The following WBP1L variants were observed in gnomAD, a reference collection of about 807,000 sequenced individuals.
WBP1L encodes WW domain binding protein 1 like, also known as WW domain binding protein 1-like.
Under a neutral mutation model 33.7 loss-of-function variants are expected in WBP1L, and 17 were observed. The ratio of observed to expected loss-of-function variants is 0.50; its 90% confidence interval spans 0.34 to 0.76. The LOEUF (loss-of-function observed/expected upper bound fraction) is 0.76. WBP1L is among the 30% of genes least tolerant of loss of function. WBP1L has a pLI of 0.01. For synonymous variants in WBP1L, 173 were observed against 190.8 expected (o/e 0.91, Z 0.77); for missense variants, 389 against 469.4 (o/e 0.83, Z 1.58).
intron 1 of WBP1L, among the ~76,000 whole-genome samples, chr10:102,764,918 T>G (rs1843089124): frequency 6.6e-6 from 1 of 152,216 alleles, no homozygotes; most frequent in Non-Finnish European, 1.5e-5. Flanking sequence ...TCTCATGACC[T>G]AGAGACAAAA....
intron 1 of WBP1L, chr10:102,776,158 T>C: frequency 2.1e-6 from 3 of 1,415,540 alleles, no homozygotes; most frequent in Non-Finnish European, 2.8e-6. Context: ...GTCTGAGATA[T>C]GTCACGAGAA....
intron 1 of WBP1L, among the ~76,000 whole-genome samples, chr10:102,773,864 C>CAA (rs11362638): frequency 7.0e-6 from 1 of 142,200 alleles, no homozygotes; most frequent in Non-Finnish European, 1.6e-5. Context: ...AAAAACAAAA[C>CAA]AAAAAAAAAA....
At chr10:102,809,564 G>A (rs1009162468) in intron 2 of WBP1L, among the ~76,000 whole-genome samples, 5 of 151,868 alleles carry the variant, frequency 3.3e-5, no homozygotes, top group African/African-American at 1.2e-4. Flanking sequence ...TAGAGATGGG[G>A]GTTTCACCAT....
chr10:102,753,355 C>T (rs890602372), intron 1 of WBP1L, among the ~76,000 whole-genome samples: 3 of 152,228 alleles, frequency 2.0e-5, no homozygotes, highest in Non-Finnish European at 2.9e-5. Flanking sequence ...GGAGCAAAGT[C>T]TGGCCTGAAA....
intron 1 of WBP1L, among the ~76,000 whole-genome samples, chr10:102,796,812 G>T (rs1198139953): frequency 6.6e-6 from 1 of 152,220 alleles, no homozygotes; most frequent in South Asian, 2.1e-4. Context: ...TATAGCAGAT[G>T]CCTTACAGGT....
At chr10:102,808,926 A>T (rs1382309205) in intron 2 of WBP1L, among the ~76,000 whole-genome samples, 1 of 152,166 alleles carries the variant, frequency 6.6e-6, no homozygotes, top group Non-Finnish European at 1.5e-5. Context: ...GGAGGAGGAG[A>T]CCATCCCAGA....
chr10:102,811,414 C>G (rs115307292), intron 3 of WBP1L, among the ~76,000 whole-genome samples: 1,868 of 152,296 alleles, frequency 0.012, 35 homozygotes, highest in African/African-American at 0.042. Flanking sequence ...CATGTGACCT[C>G]TCATATGGTC....
At chr10:102,773,468 A>G (rs1174374924) in intron 1 of WBP1L, among the ~76,000 whole-genome samples, 1 of 152,238 alleles carries the variant, frequency 6.6e-6, no homozygotes, top group Admixed American at 6.5e-5. Flanking sequence ...AGGATGATTC[A>G]TTAGGAAATC....
At chr10:102,772,988 GA>G (rs1843212515) in intron 1 of WBP1L, among the ~76,000 whole-genome samples, 1 of 151,350 alleles carries the variant, frequency 6.6e-6, no homozygotes, top group Admixed American at 6.6e-5. Flanking sequence ...TTGGCAGGCG[GA>G]TGACTAAAGT....
intron 2 of WBP1L, among the ~76,000 whole-genome samples, chr10:102,801,332 T>C (rs1229504670): frequency 4.6e-5 from 7 of 152,166 alleles, no homozygotes. Context: ...ATTCCAGTGC[T>C]CTTGAACTTT....
In WBP1L at chr10:102,750,686, A is replaced by G. The variant is rs145506479; in HGVS notation, c.90+6543A>G. Among the ~76,000 whole-genome samples, 1,329 of 151,928 alleles carry G rather than the reference A, an allele frequency of 8.7e-3. 9 individuals are homozygous for G. The highest frequency in any genetic ancestry group is 0.013 in the Non-Finnish European group (855 of 67,948). On this transcript the variant is annotated intron_variant, in intron 1 of 3. Transcript: ENST00000448841. ...CTGGCTAATTTTTTGTATTTTTAGTACAGATGGGGTTTCACTGTGTTAGCC... is the reference window on the plus strand; with the variant it reads ...CTGGCTAATTTTTTGTATTTTTAGTGCAGATGGGGTTTCACTGTGTTAGCC...
chr10:102,804,811 C>T (rs1261816712), intron 2 of WBP1L, among the ~76,000 whole-genome samples: 3 of 152,138 alleles, frequency 2.0e-5, no homozygotes, highest in African/African-American at 7.2e-5. Context: ...CACATCCAAT[C>T]TCAATTCATT....
chr10:102,790,656 G>T (rs1000733153), intron 1 of WBP1L, among the ~76,000 whole-genome samples: 1 of 151,832 alleles, frequency 6.6e-6, no homozygotes, highest in African/African-American at 2.4e-5. Flanking sequence ...GATTACAGGC[G>T]CCCGCCACCA....
intron 1 of WBP1L, among the ~76,000 whole-genome samples, chr10:102,754,644 C>T (rs1590166238): frequency 6.6e-6 from 1 of 152,004 alleles, no homozygotes; most frequent in African/African-American, 2.4e-5. Context: ...CCACCTGCCT[C>T]GACCTCCCAA....
intron 1 of WBP1L, among the ~76,000 whole-genome samples, chr10:102,754,901 ATTTATTTT>A (rs1842957791): frequency 7.9e-6 from 1 of 127,076 alleles, no homozygotes; most frequent in African/African-American, 2.9e-5. Context: ...TTATTTATTT[ATTTATTTT>A]TTGAGATGGA....
chr10:102,776,420 A>G, intron 1 of WBP1L: 2 of 1,614,096 alleles, frequency 1.2e-6, no homozygotes, highest in South Asian at 1.1e-5. Flanking sequence ...TTAGACAGGT[A>G]ATTGTTTCTG....
chr10:102,773,525 A>AG (rs1196489742), intron 1 of WBP1L, among the ~76,000 whole-genome samples: 2 of 114,786 alleles, frequency 1.7e-5, no homozygotes, highest in East Asian at 9.6e-4. Context: ...TATTTTTACA[A>AG]GTTTTTTTTT....
At position 102,744,420 on chromosome 10, in the gene WBP1L, A is replaced by G. The variant is rs1842838974; in HGVS notation, c.90+277A>G. The G allele has an allele frequency of 7.1e-6, 7 of 985,274 alleles. No homozygotes were observed. In the South Asian group the frequency reaches 3.3e-4, roughly 46 times the overall value. The allele number at this position is 985,274 out of a possible 1,614,324, so 61.0% of individuals were successfully genotyped here. On this transcript the variant is annotated intron_variant, in intron 1 of 3. Coordinates refer to ENST00000448841, the MANE Select transcript of WBP1L (RefSeq NM_001083913.2). The stretch of plus-strand genomic sequence containing the variant: ...TGGGCTGGGGTGACTGTGGCTGGAT[A>G]GCGGTGCCAAGCTGAGGATGTGGGC...
chr10:102,783,782 A>G (rs1332371411), intron 1 of WBP1L, among the ~76,000 whole-genome samples: 1 of 152,202 alleles, frequency 6.6e-6, no homozygotes, highest in East Asian at 1.9e-4. Context: ...ATGACAAATA[A>G]TTACCTGACT....
Sources: gnomAD v4.1 joint callset for allele counts (sites outside exome capture counted in the v4.1 genomes callset) on GRCh38, gnomAD v4.1.1 for gene constraint, MANE v1.5 for transcripts, NCBI Gene and HGNC (gene_info 2026-07-23, HGNC 2026-07-21) for gene names.